CALN1: variants seen among roughly 807,000 people sequenced by gnomAD.
CALN1 encodes calcium-binding protein 8.
Under a neutral mutation model 30.6 loss-of-function variants are expected in CALN1, and 17 were observed. The ratio of observed to expected loss-of-function variants is 0.56; its 90% CI spans 0.38 to 0.83. CALN1 has a LOEUF of 0.83. Among genes scored for constraint, CALN1 ranks in the 40% least tolerant of loss-of-function variants. CALN1 has a pLI of 0.00. For synonymous variants in CALN1, 156 were observed against 131.4 expected (o/e 1.19, Z -1.28); for missense variants, 291 against 354.9 (o/e 0.82, Z 1.45).
At chr7:72,052,050 G>A (rs189340371) in intron 4 of CALN1, among the ~76,000 whole-genome samples, 9 of 152,260 alleles carry the variant, frequency 5.9e-5, no homozygotes, top group African/African-American at 2.2e-4. Flanking sequence ...AGATACAAGT[G>A]AGAAAGATGA....
intron 5 of CALN1, among the ~76,000 whole-genome samples, chr7:71,846,867 T>TACATATATAC (rs1790281549): frequency 6.8e-6 from 1 of 146,810 alleles, no homozygotes; most frequent in Admixed American, 6.9e-5. Context: ...TATATGTATG[T>TACATATATAC]ATATATAATA....
intron 4 of CALN1, among the ~76,000 whole-genome samples, chr7:72,041,452 C>T (rs777018310): frequency 1.3e-5 from 2 of 152,044 alleles, no homozygotes; most frequent in Non-Finnish European, 2.9e-5. Flanking sequence ...GGTACGATTT[C>T]GGCTCACTGC....
At chr7:71,839,932 C>T (rs1448676199) in intron 5 of CALN1, among the ~76,000 whole-genome samples, 1 of 152,108 alleles carries the variant, frequency 6.6e-6, no homozygotes, top group East Asian at 1.9e-4. Flanking sequence ...TGGAGGGCTG[C>T]CCAGGTCACA....
At chr7:72,159,661 G>A (rs568824874) in intron 3 of CALN1, among the ~76,000 whole-genome samples, 1 of 152,046 alleles carries the variant, frequency 6.6e-6, no homozygotes, top group Non-Finnish European at 1.5e-5. Context: ...AGCTACGCAT[G>A]GTGGTGGGCG....
intron 3 of CALN1, among the ~76,000 whole-genome samples, chr7:72,149,624 G>C (rs1461796468): frequency 6.6e-6 from 1 of 151,886 alleles, no homozygotes; most frequent in Non-Finnish European, 1.5e-5. Flanking sequence ...CCACACTTTA[G>C]ACCATGCTGC....
At chr7:71,831,983 C>CA (rs1464781154) in intron 5 of CALN1, among the ~76,000 whole-genome samples, 2 of 149,468 alleles carry the variant, frequency 1.3e-5, no homozygotes, top group Non-Finnish European at 3.0e-5. Context: ...ATAAGACATA[C>CA]TGTTGATAGG....
chr7:71,954,415 G>A (rs572817657), intron 5 of CALN1, among the ~76,000 whole-genome samples: 15 of 152,106 alleles, frequency 9.9e-5, no homozygotes, highest in African/African-American at 2.2e-4. Flanking sequence ...AGCTGAGATC[G>A]TGCCACTGTG....
intron 3 of CALN1, among the ~76,000 whole-genome samples, chr7:72,120,606 T>A (rs1193880192): frequency 1.3e-5 from 2 of 152,204 alleles, no homozygotes; most frequent in East Asian, 3.8e-4. Context: ...AGTCACTTAA[T>A]ACACATTGCC....
At chr7:71,845,925 C>T (rs1790205992) in intron 5 of CALN1, among the ~76,000 whole-genome samples, 1 of 152,014 alleles carries the variant, frequency 6.6e-6, no homozygotes, top group African/African-American at 2.4e-5. Flanking sequence ...ATGGGGTGCA[C>T]ACCTGTAATC....
chr7:72,302,893 CAAAAAAAA>C (rs71069055), intron 2 of CALN1, among the ~76,000 whole-genome samples: 20 of 48,750 alleles, frequency 4.1e-4, no homozygotes, highest in African/African-American at 8.3e-4. Context: ...GTGAGGGTCT[CAAAAAAAA>C]AAAAAAAAAA....
chr7:72,205,683 TA>T (rs1472586120), intron 3 of CALN1, among the ~76,000 whole-genome samples: 1 of 149,914 alleles, frequency 6.7e-6, no homozygotes, highest in Non-Finnish European at 1.5e-5. Flanking sequence ...TTAAGTTTTG[TA>T]ACATCAAATT....
At chr7:72,290,669 A>C (rs1798416668) in intron 2 of CALN1, among the ~76,000 whole-genome samples, 1 of 152,108 alleles carries the variant, frequency 6.6e-6, no homozygotes. Flanking sequence ...ATATTCTTTA[A>C]ACTCTTTTTA....
At chr7:71,871,611 C>G (rs1362080431) in intron 5 of CALN1, among the ~76,000 whole-genome samples, 1 of 152,134 alleles carries the variant, frequency 6.6e-6, no homozygotes, top group Non-Finnish European at 1.5e-5. Flanking sequence ...CTTGCTGTTC[C>G]TGGACTGCCT....
At chr7:72,120,374 T>C (rs1479871939) in intron 3 of CALN1, among the ~76,000 whole-genome samples, 2 of 152,172 alleles carry the variant, frequency 1.3e-5, no homozygotes, top group Non-Finnish European at 2.9e-5. Context: ...GTAACTAGTC[T>C]GCAAAACAGC....
At chr7:71,978,550 A>G (rs1228115486) in intron 5 of CALN1, among the ~76,000 whole-genome samples, 3 of 152,160 alleles carry the variant, frequency 2.0e-5, no homozygotes, top group African/African-American at 7.2e-5. Flanking sequence ...CTGGGATTAC[A>G]GGCATGAATT....
chr7:72,472,089 C>T, the CALN1 span, among the ~76,000 whole-genome samples: 2 of 152,152 alleles, frequency 1.3e-5, no homozygotes, highest in African/African-American at 4.8e-5. Context: ...AGCCACTGCG[C>T]CCAGCCAAGG....
chr7:72,051,225 T>C (rs923710161), intron 4 of CALN1, among the ~76,000 whole-genome samples: 1 of 151,816 alleles, frequency 6.6e-6, no homozygotes, highest in African/African-American at 2.4e-5. Context: ...ATAAAATATA[T>C]GAATGATTGA....
intron 4 of CALN1, among the ~76,000 whole-genome samples, chr7:72,094,133 C>T (rs573189860): frequency 2.0e-5 from 3 of 152,312 alleles, no homozygotes; most frequent in African/African-American, 7.2e-5. Context: ...CATTCTAGGT[C>T]TGATGTGAAT....
chr7:72,255,824 G>A (rs922120488), intron 3 of CALN1, among the ~76,000 whole-genome samples: 8 of 151,850 alleles, frequency 5.3e-5, no homozygotes, highest in East Asian at 1.9e-4. Flanking sequence ...TCCGTCTCCC[G>A]GGTTCAAGCC....
Sources: gnomAD v4.1 joint callset for allele counts (sites outside exome capture counted in the v4.1 genomes callset) on GRCh38, gnomAD v4.1.1 for gene constraint, MANE v1.5 for transcripts, NCBI Gene and HGNC (gene_info 2026-07-23, HGNC 2026-07-21) for gene names.